The following PDCD6IP variants were observed in gnomAD, a reference collection of about 807,000 sequenced individuals.
PDCD6IP encodes the protein programmed cell death 6-interacting protein.
A neutral mutation model predicts 103.7 loss-of-function variants in PDCD6IP; 43 were observed. The ratio of observed to expected loss-of-function variants is 0.41; its 90% CI spans 0.32 to 0.53. The LOEUF (loss-of-function observed/expected upper bound fraction) is 0.53, where lower values mean the gene tolerates loss of function less well. Ranked by LOEUF, PDCD6IP falls within the 20% of genes least tolerant of loss-of-function variation. The probability of loss-of-function intolerance (pLI) is 0.16; values close to 1 mark genes in which losing one functional copy is unlikely to be tolerated. For missense variants in PDCD6IP, 871 were observed against 1,036.7 expected (o/e 0.84, Z 2.20); for synonymous variants, 354 against 378.7 (o/e 0.93, Z 0.76).
At chr3:33,839,480 T>C (rs1697423796) in intron 9 of PDCD6IP, among the ~76,000 whole-genome samples, 1 of 76,928 alleles carries the variant, frequency 1.3e-5, no homozygotes, top group South Asian at 4.7e-4. Context: ...TATTCCATTT[T>C]ATGGTTATAC....
chr3:33,826,984 G>T, intron 6 of PDCD6IP: 1 of 990,030 alleles, frequency 1.0e-6, no homozygotes, highest in Non-Finnish European at 1.2e-6. Flanking sequence ...GCCTTAAAGC[G>T]CAAAAACAGA....
At chr3:33,832,515 A>G (rs1012771288) in intron 7 of PDCD6IP, among the ~76,000 whole-genome samples, 3 of 152,192 alleles carry the variant, frequency 2.0e-5, no homozygotes, top group African/African-American at 4.8e-5. Context: ...TCCACTTGGA[A>G]TTTATCCTGA....
chr3:33,852,116 A>G (rs994289693), intron 12 of PDCD6IP, among the ~76,000 whole-genome samples: 3 of 152,268 alleles, frequency 2.0e-5, no homozygotes, highest in Non-Finnish European at 4.4e-5. Context: ...CTGTATAACC[A>G]TGTCACTTAA....
At chr3:33,813,322 A>G in intron 2 of PDCD6IP, 1 of 376,012 alleles carries the variant, frequency 2.7e-6, no homozygotes, top group Non-Finnish European at 4.8e-6. Context: ...AAGATGAATA[A>G]GATAGTGTTT....
chr3:33,824,697 C>G (rs1378709867), intron 4 of PDCD6IP, among the ~76,000 whole-genome samples: 1 of 152,168 alleles, frequency 6.6e-6, no homozygotes, highest in Admixed American at 6.5e-5. Flanking sequence ...CACTAGTGAG[C>G]TCTGAAGGCC....
At chr3:33,825,656 C>T (rs757780594) in intron 5 of PDCD6IP, among the ~76,000 whole-genome samples, 1 of 152,114 alleles carries the variant, frequency 6.6e-6, no homozygotes, top group Admixed American at 6.5e-5. Context: ...TTACTCTGTG[C>T]CAGTCACTGT....
rs1698137851 is a variant in PDCD6IP, at chr3:33,869,382, C to A, written c.*2857C>A. On this transcript the variant is annotated 3_prime_UTR_variant, in exon 18 of 18. Coordinates refer to ENST00000307296, the MANE Select transcript of PDCD6IP (RefSeq NM_013374.6). The stretch of plus-strand genomic sequence containing the variant: ...ACAGAACAAGGTATAAAGGAAAAAA[C>A]CCTGCTAGGTAGTGTTATAATTGCT... 1 of 151,996 alleles carries A rather than the reference C, an allele frequency of 6.6e-6. No individual in the cohort carries two copies. The highest frequency in any genetic ancestry group is 2.1e-4 in the South Asian group (1 of 4,818). 9.4% of individuals were successfully genotyped at this position (151,996 alleles called of 1,614,324 possible).
chr3:33,812,754 A>G (rs1696747753), intron 2 of PDCD6IP, among the ~76,000 whole-genome samples: 2 of 152,310 alleles, frequency 1.3e-5, no homozygotes, highest in South Asian at 2.1e-4. Flanking sequence ...TTCCTTTAAT[A>G]TATTCCTGGA....
intron 15 of PDCD6IP, among the ~76,000 whole-genome samples, chr3:33,857,492 T>C (rs1378909711): frequency 6.6e-6 from 1 of 152,104 alleles, no homozygotes; most frequent in African/African-American, 2.4e-5. Flanking sequence ...GTCTTAATGA[T>C]AAAAAAACCT....
intron 8 of PDCD6IP, among the ~76,000 whole-genome samples, chr3:33,837,601 T>G (rs1432107003): frequency 6.6e-6 from 1 of 152,002 alleles, no homozygotes; most frequent in Non-Finnish European, 1.5e-5. Context: ...TTTTTTTTTT[T>G]TTTTTGAGAC....
At chr3:33,824,598 TTTTC>T (rs1194006400) in intron 4 of PDCD6IP, among the ~76,000 whole-genome samples, 1 of 152,192 alleles carries the variant, frequency 6.6e-6, no homozygotes, top group Non-Finnish European at 1.5e-5. Flanking sequence ...ATTTATTTCT[TTTTC>T]TTAGTATAAT....
chr3:33,814,773 A>G (rs922261896), intron 3 of PDCD6IP, among the ~76,000 whole-genome samples: 1 of 145,644 alleles, frequency 6.9e-6, no homozygotes, highest in Admixed American at 7.0e-5. Flanking sequence ...ACACACATAT[A>G]TAGTATATTT....
At position 33,866,244 on chromosome 3, in the gene PDCD6IP, TA is replaced by T. The variant is rs1698061598; in HGVS notation, c.2433-101del. 5 of 739,090 alleles carry T rather than the reference TA, an allele frequency of 6.8e-6. No individual in the cohort carries two copies. The East Asian group carries it at 1.2e-4, about 18-fold the overall frequency. The allele number at this position is 739,090 out of a possible 1,614,324, so 45.8% of individuals were successfully genotyped here. Reference sequence around the variant, plus strand: ...TTCACTCCACTGTTCTTTAATAGACTAAAAAATAGAAATGACTTTCATGAAA... The same window carrying T: ...TTCACTCCACTGTTCTTTAATAGACTAAAAATAGAAATGACTTTCATGAAA... On this transcript the variant is annotated intron_variant, in intron 17 of 17. Coordinates refer to ENST00000307296, the MANE Select transcript of PDCD6IP (RefSeq NM_013374.6).
At chr3:33,835,352 A>T (rs962376712) in intron 7 of PDCD6IP, 1 of 455,142 alleles carries the variant, frequency 2.2e-6, no homozygotes, top group African/African-American at 2.0e-5. Context: ...TGTGGTTTCC[A>T]GACCCTTGTT....
At chr3:33,838,674 T>C (rs959534838) in intron 9 of PDCD6IP, among the ~76,000 whole-genome samples, 4 of 152,022 alleles carry the variant, frequency 2.6e-5, no homozygotes, top group African/African-American at 9.7e-5. Flanking sequence ...AATAATTCAT[T>C]GGTTTAAAAA....
intron 14 of PDCD6IP, chr3:33,854,524 A>G (rs1029684230): frequency 9.2e-5 from 14 of 152,172 alleles, no homozygotes; most frequent in African/African-American, 3.4e-4. Context: ...CTTTTTACCA[A>G]TTTGTTTTTG....
At chr3:33,813,395 A>T in intron 2 of PDCD6IP, 164 bp from the exon 3 acceptor site, 1 of 499,002 alleles carries the variant, frequency 2.0e-6, no homozygotes, top group Non-Finnish European at 3.5e-6. Context: ...CTTTTTTTAG[A>T]TTTCAATTTA....
chr3:33,819,834 A>T (rs1696948012), intron 3 of PDCD6IP, among the ~76,000 whole-genome samples: 1 of 152,210 alleles, frequency 6.6e-6, no homozygotes, highest in African/African-American at 2.4e-5. Flanking sequence ...ATTCTTTTTT[A>T]AAAGTTATTT....
chr3:33,864,059 C>G lies in PDCD6IP; in HGVS notation c.2174C>G (p.Pro725Arg), dbSNP rs1049051667. 5 of 1,613,954 alleles carry G rather than the reference C, an allele frequency of 3.1e-6. No individual in the cohort carries two copies. The highest frequency in any genetic ancestry group is 2.2e-5 in the South Asian group (2 of 91,076). ...REPSAPSIPT[P>R]AYQSSPAGGH... Reference sequence around the variant, plus strand: ...CCTAGTGCTCCTTCAATTCCTACACCTGCGTATCAGTCCTCACCAGCAGGA... The same window carrying G: ...CCTAGTGCTCCTTCAATTCCTACACGTGCGTATCAGTCCTCACCAGCAGGA... The change falls in exon 16 of 18, where the codon CCT becomes CGT. Residue 725 changes from proline (P) to arginine (R), a missense_variant. Pro to Arg is a moderately radical substitution (Grantham distance 103, BLOSUM62 -2). Transcript: ENST00000307296.
Sources: gnomAD v4.1 joint callset for allele counts (sites outside exome capture counted in the v4.1 genomes callset) on GRCh38, gnomAD v4.1.1 for gene constraint, MANE v1.5 for transcripts, NCBI Gene and HGNC (gene_info 2026-07-23, HGNC 2026-07-21) for gene names.